GPC6: variants seen among roughly 807,000 people sequenced by gnomAD.
The protein encoded by GPC6 is glypican-6.
A neutral mutation model predicts 55.2 loss-of-function variants in GPC6; 14 were observed. The ratio of observed to expected loss-of-function variants is 0.25; its 90% CI spans 0.17 to 0.40. The LOEUF (loss-of-function observed/expected upper bound fraction) is 0.40, where lower values mean the gene tolerates loss of function less well. Among genes scored for constraint, GPC6 ranks in the 10% least tolerant of loss-of-function variants. The probability of loss-of-function intolerance (pLI) is 1.00; values close to 1 mark genes in which losing one functional copy is unlikely to be tolerated. For missense variants in GPC6, 641 were observed against 708.5 expected (o/e 0.90, Z 1.08); for synonymous variants, 278 against 259.6 (o/e 1.07, Z -0.68).
intron 1 of GPC6, among the ~76,000 whole-genome samples, chr13:93,321,295 C>G (rs1228398268): frequency 6.6e-6 from 1 of 152,128 alleles, no homozygotes; most frequent in Middle Eastern, 3.2e-3. Context: ...AATTGGGTGC[C>G]TGATTTATTA....
intron 2 of GPC6, among the ~76,000 whole-genome samples, chr13:93,783,285 G>A (rs984058357): frequency 6.6e-6 from 1 of 152,104 alleles, no homozygotes; most frequent in Non-Finnish European, 1.5e-5. Context: ...GAAGATATGT[G>A]TGCATCTATC....
chr13:94,390,480 C>A (rs1243575217), intron 7 of GPC6, among the ~76,000 whole-genome samples: 1 of 152,142 alleles, frequency 6.6e-6, no homozygotes, highest in Non-Finnish European at 1.5e-5. Context: ...CCTCAGGAAA[C>A]TTACAACCAT....
At chr13:93,712,682 GT>G (rs986369703) in intron 2 of GPC6, among the ~76,000 whole-genome samples, 1 of 151,186 alleles carries the variant, frequency 6.6e-6, no homozygotes, top group African/African-American at 2.4e-5. Flanking sequence ...ATTTTGTCCT[GT>G]TTTTTTTCTC....
chr13:94,361,411 C>T (rs998574733), intron 6 of GPC6, among the ~76,000 whole-genome samples: 4 of 152,222 alleles, frequency 2.6e-5, no homozygotes, highest in African/African-American at 9.6e-5. Context: ...CTGGGCTCTA[C>T]AAATTACGTA....
chr13:93,536,677 A>T (rs529732946), intron 1 of GPC6, among the ~76,000 whole-genome samples: 1 of 152,246 alleles, frequency 6.6e-6, no homozygotes, highest in East Asian at 1.9e-4. Context: ...AATGCTGCCA[A>T]CCCCATAGCT....
At chr13:94,140,118 C>A (rs1887322948) in intron 4 of GPC6, among the ~76,000 whole-genome samples, 1 of 150,876 alleles carries the variant, frequency 6.6e-6, no homozygotes, top group Non-Finnish European at 1.5e-5. Context: ...GTCTATTATA[C>A]CGAATAGTAT....
chr13:94,306,210 TTGTTA>T (rs758361464), intron 6 of GPC6, 87 bp downstream of exon 6: 1 of 1,423,172 alleles, frequency 7.0e-7, no homozygotes, highest in Non-Finnish European at 9.9e-7. Context: ...CTGGAAAAGT[TTGTTA>T]TAAGAGTCAT....
At chr13:93,590,651 T>G (rs556674162) in intron 2 of GPC6, among the ~76,000 whole-genome samples, 5 of 152,156 alleles carry the variant, frequency 3.3e-5, no homozygotes, top group Non-Finnish European at 7.4e-5. Context: ...TCAAGAGATA[T>G]GCATATACAA....
intron 4 of GPC6, among the ~76,000 whole-genome samples, chr13:94,161,201 CT>C (rs1226226455): frequency 6.6e-6 from 1 of 152,134 alleles, no homozygotes; most frequent in African/African-American, 2.4e-5. Context: ...TTATACTTTT[CT>C]TTTTTTCAAA....
intron 3 of GPC6, among the ~76,000 whole-genome samples, chr13:93,883,189 A>T (rs962646436): frequency 1.1e-4 from 17 of 151,082 alleles, no homozygotes; most frequent in Non-Finnish European, 2.4e-4. Context: ...ATAATGCATG[A>T]TCAATAGTAA....
intron 3 of GPC6, among the ~76,000 whole-genome samples, chr13:94,010,536 G>C (rs1882202908): frequency 6.6e-6 from 1 of 152,086 alleles, no homozygotes; most frequent in Admixed American, 6.6e-5. Context: ...TACGTATGTG[G>C]GTGAGGGGAT....
intron 1 of GPC6, among the ~76,000 whole-genome samples, chr13:93,543,884 A>G (rs906418065): frequency 6.6e-6 from 1 of 152,138 alleles, no homozygotes; most frequent in Admixed American, 6.6e-5. Context: ...AGGAACCTCC[A>G]TACTGTTCTC....
intron 2 of GPC6, among the ~76,000 whole-genome samples, chr13:93,813,748 T>A (rs1886767431): frequency 6.6e-6 from 1 of 151,884 alleles, no homozygotes; most frequent in Non-Finnish European, 1.5e-5. Flanking sequence ...ATGTATCATA[T>A]ATAAATTTAA....
At chr13:93,715,247 T>C (rs187674209) in intron 2 of GPC6, among the ~76,000 whole-genome samples, 2 of 151,862 alleles carry the variant, frequency 1.3e-5, no homozygotes, top group East Asian at 1.9e-4. Context: ...AAAGGAAATA[T>C]GGTACATATT....
chr13:93,272,490 GTGTATATA>G (rs755354309), intron 1 of GPC6, among the ~76,000 whole-genome samples: 8 of 95,436 alleles, frequency 8.4e-5, no homozygotes, highest in East Asian at 2.5e-4. Flanking sequence ...CATTGTCTGT[GTGTATATA>G]TATATATATA....
chr13:93,881,965 C>T (rs904416560), intron 3 of GPC6, among the ~76,000 whole-genome samples: 1 of 151,926 alleles, frequency 6.6e-6, no homozygotes, highest in African/African-American at 2.4e-5. Flanking sequence ...AGAGTATGAT[C>T]CTTAGGTACA....
chr13:93,446,744 G>A (rs1383610485), intron 1 of GPC6, among the ~76,000 whole-genome samples: 2 of 152,114 alleles, frequency 1.3e-5, no homozygotes, highest in Admixed American at 6.5e-5. Context: ...TGTTAGATTC[G>A]ATGTTTGCTT....
chr13:93,310,090 C>T (rs190393107), intron 1 of GPC6, among the ~76,000 whole-genome samples: 26 of 152,310 alleles, frequency 1.7e-4, no homozygotes, highest in African/African-American at 6.0e-4. Flanking sequence ...TGTGAATACA[C>T]ATTTCACACA....
At chr13:93,511,341 T>C (rs1386612354) in intron 1 of GPC6, among the ~76,000 whole-genome samples, 3 of 151,724 alleles carry the variant, frequency 2.0e-5, no homozygotes, top group Non-Finnish European at 4.4e-5. Flanking sequence ...TTTAAGTCTT[T>C]ATTTTGAGTT....
Sources: gnomAD v4.1 joint callset for allele counts (sites outside exome capture counted in the v4.1 genomes callset) on GRCh38, gnomAD v4.1.1 for gene constraint, MANE v1.5 for transcripts, NCBI Gene and HGNC (gene_info 2026-07-23, HGNC 2026-07-21) for gene names.